Variants in SH3TC1 observed in about 807,000 individuals in gnomAD.
The protein encoded by SH3TC1 is SH3 domain and tetratricopeptide repeat-containing protein 1.
A neutral mutation model predicts 117.3 loss-of-function variants in SH3TC1; 135 were observed. That is an observed-to-expected ratio of 1.15 (90% CI 1.00 to 1.33). The LOEUF is 1.33. Ranked by LOEUF, SH3TC1 falls within the 40% of genes most tolerant of loss-of-function variation. SH3TC1 has a pLI of 0.00. For missense variants in SH3TC1, 2,092 were observed against 1,794.3 expected (o/e 1.17, Z -3.00); for synonymous variants, 898 against 816.9 (o/e 1.10, Z -1.69).
intron 9 of SH3TC1, among the ~76,000 whole-genome samples, chr4:8,220,770 G>A (rs951430235): frequency 4.6e-5 from 7 of 152,150 alleles, no homozygotes; most frequent in African/African-American, 1.2e-4. Flanking sequence ...CTCAGAGGCC[G>A]TTTGTCACCA....
At chr4:8,185,811 G>A (rs1223100524) in intron 1 of SH3TC1, among the ~76,000 whole-genome samples, 1 of 152,216 alleles carries the variant, frequency 6.6e-6, no homozygotes, top group Non-Finnish European at 1.5e-5. Context: ...CATCTGCAGG[G>A]TGAACTCCCA....
intron 5 of SH3TC1, among the ~76,000 whole-genome samples, chr4:8,215,796 C>G (rs1179394859): frequency 6.6e-6 from 1 of 152,232 alleles, no homozygotes; most frequent in Non-Finnish European, 1.5e-5. Context: ...ATACCCCCTG[C>G]GGCCTGCACG....
chr4:8,212,130 G>A (rs1051226169), intron 3 of SH3TC1, among the ~76,000 whole-genome samples: 2 of 152,084 alleles, frequency 1.3e-5, no homozygotes, highest in African/African-American at 2.4e-5. Context: ...GGGGCCCTCT[G>A]CCCTCTGAGA....
Position 8,228,107 on chromosome 4 carries a change from G to C in SH3TC1, c.2413G>C (p.Ala805Pro). The change falls in exon 12 of 18, where the codon GCC (alanine) becomes CCC (proline). Residue 805 changes from alanine to proline, a missense_variant. Transcript: ENST00000245105. Reference protein sequence around the residue: ...LYSHHGCHGPAITFMTQAVEA... With the variant: ...LYSHHGCHGPPITFMTQAVEA... Reference sequence around the variant, plus strand: ...CAGCCACCATGGCTGCCACGGCCCGGCCATCACCTTCATGACGCAGGCAGT... The same window carrying C: ...CAGCCACCATGGCTGCCACGGCCCGCCCATCACCTTCATGACGCAGGCAGT... 1 of 1,611,336 alleles carries C rather than the reference G, an allele frequency of 6.2e-7. No individual in the cohort carries two copies. Among genetic ancestry groups the C allele is most frequent in the Non-Finnish European group, 8.5e-7 (1 of 1,178,942 alleles).
upstream of SH3TC1, among the ~76,000 whole-genome samples, chr4:8,195,475 G>T (rs1277058162): frequency 2.0e-5 from 3 of 152,198 alleles, no homozygotes; most frequent in Non-Finnish European, 4.4e-5. Context: ...GAGGCTGCTG[G>T]GTGTGCTGTG....
rs1436433441 is a variant in SH3TC1, at chr4:8,230,014, CG to C, written c.2950+1375del. Among the ~76,000 whole-genome samples, 7 of 143,362 alleles carry C rather than the reference CG, an allele frequency of 4.9e-5. 1 individual carries two copies. The highest frequency in any genetic ancestry group is 1.1e-4 in the Non-Finnish European group (7 of 62,368). 94.1% of individuals were successfully genotyped at this position (143,362 alleles called of 152,430 possible). A position where few individuals can be genotyped will look rare whatever the true frequency, so the allele number is the denominator to read the frequency against. On this transcript the variant is annotated intron_variant, in intron 12 of 17. Transcript: ENST00000245105. ...CCCCGCGTTGAACAGTCGAGGAGACCGGGGGCCAGGGGACGAGGATCATGCT... is the reference window on the plus strand; with the variant it reads ...CCCCGCGTTGAACAGTCGAGGAGACCGGGGCCAGGGGACGAGGATCATGCT...
rs1718259219 is a variant in SH3TC1 at position 8,206,931 on chromosome 4, G to A, written c.172+1565G>A. ...ATGATGCCCCTTCATCCTAAAAGGT[G>A]TCCATATTTCCTAAAACCAGTACAT... On this transcript the variant is annotated intron_variant, in intron 2 of 17. Transcript: ENST00000245105. This position sits in a 1 kb window ranked among gnomAD's most constrained non-coding sequence, Gnocchi z 5.5. Among the ~76,000 whole-genome samples the A allele has an allele frequency of 1.3e-5, 2 of 151,838 alleles. No individual in the cohort carries two copies. Among genetic ancestry groups the A allele is most frequent in the Non-Finnish European group, 2.9e-5 (2 of 68,002 alleles).
intron 3 of SH3TC1, among the ~76,000 whole-genome samples, chr4:8,211,910 C>T (rs1280420259): frequency 4.6e-5 from 7 of 152,086 alleles, no homozygotes; most frequent in South Asian, 4.1e-4. Flanking sequence ...GCCGATGGGT[C>T]GGACCATGCT....
chr4:8,232,556 G>A, intron 13 of SH3TC1: 1 of 1,362,806 alleles, frequency 7.3e-7, no homozygotes, highest in Non-Finnish European at 9.7e-7. Context: ...GCCACCTGTG[G>A]CTTCTCTCCC....
Position 8,206,442 on chromosome 4 carries a change from G to A in SH3TC1, c.172+1076G>A, listed in dbSNP as rs1025929368. Among the ~76,000 whole-genome samples the A allele has an allele frequency of 1.8e-4, 27 of 152,112 alleles. No individual in the cohort carries two copies. Among genetic ancestry groups the A allele is most frequent in the Admixed American group, 1.2e-3 (19 of 15,286 alleles). ...TGCACAAGGAGACTGAGACGCGCAGGAGGGCCCTGGCCAGCCTCCCACAGA... is the reference window on the plus strand; with the variant it reads ...TGCACAAGGAGACTGAGACGCGCAGAAGGGCCCTGGCCAGCCTCCCACAGA... On this transcript the variant is annotated intron_variant, in intron 2 of 17. Coordinates refer to ENST00000245105, the MANE Select transcript of SH3TC1 (RefSeq NM_018986.5). This position sits in a 1 kb window ranked among gnomAD's most constrained non-coding sequence, Gnocchi z 5.5.
At chr4:8,237,332 G>A (rs1721908242) in intron 16 of SH3TC1, 142 bp from the exon 17 acceptor site, 1 of 652,136 alleles carries the variant, frequency 1.5e-6, no homozygotes, top group Admixed American at 3.6e-5. Context: ...AGATGGGAAA[G>A]TGAGTCTGGG....
intron 1 of SH3TC1, among the ~76,000 whole-genome samples, chr4:8,191,033 G>A (rs1407468993): frequency 6.6e-6 from 1 of 152,338 alleles, no homozygotes; most frequent in African/African-American, 2.4e-5. Flanking sequence ...CAGGGCTGCT[G>A]TGGGGGCTCC....
chr4:8,221,620 A>C (rs920343317), intron 9 of SH3TC1, among the ~76,000 whole-genome samples: 12 of 152,302 alleles, frequency 7.9e-5, no homozygotes, highest in Non-Finnish European at 1.3e-4. Context: ...ACACTTTGAG[A>C]GTAAGTTGCA....
At chr4:8,213,974 C>T (rs1004888842) in intron 4 of SH3TC1, among the ~76,000 whole-genome samples, 3 of 152,068 alleles carry the variant, frequency 2.0e-5, no homozygotes, top group Non-Finnish European at 4.4e-5. Context: ...ACACACTTCC[C>T]GAGTCGGAAG....
At chr4:8,195,729 A>G (rs1292078952), upstream of SH3TC1, among the ~76,000 whole-genome samples, 1 of 152,176 alleles carries the variant, frequency 6.6e-6, no homozygotes, top group Non-Finnish European at 1.5e-5. Flanking sequence ...CAGGAGATGA[A>G]ATGTGTTCTG....
intron 16 of SH3TC1, 53 bp from the exon 17 acceptor site, chr4:8,237,421 G>GCCTGCTCCTGAGGGGCCTGTGCCCTC: frequency 7.0e-7 from 1 of 1,436,772 alleles, no homozygotes; most frequent in African/African-American, 1.4e-5. Flanking sequence ...GGGTCTGCAT[G>GCCTGCTCCTGAGGGGCCTGTGCCCTC]CCTGCCCCGG....
rs1402827712 is a variant in SH3TC1 at position 8,227,323 on chromosome 4, G to A, written c.1629G>A (p.Leu543=). 1.9e-6 allele frequency: 3 copies of A among 1,609,668 alleles called. No homozygotes were observed. The African/African-American group carries it at 4.0e-5, about 21-fold the overall frequency. The stretch of plus-strand genomic sequence containing the variant: ...ACGAGGAGGAGCTGACTGGGCGCCT[G>A]GCACAGGCCCGGGGGGCGGCCAAGA... ...FSDEEELTGR[L]AQARGAAKKA... The change falls in exon 12 of 18, where the codon CTG becomes CTA. Residue 543 remains leucine, a synonymous_variant. Transcript: ENST00000245105.
intron 1 of SH3TC1, among the ~76,000 whole-genome samples, chr4:8,203,783 C>T (rs990731059): frequency 2.0e-5 from 3 of 152,060 alleles, no homozygotes; most frequent in South Asian, 2.1e-4. Context: ...CCCAGGTGCT[C>T]GATGTCCAGG....
chr4:8,215,101 G>T, intron 5 of SH3TC1: 1 of 451,330 alleles, frequency 2.2e-6, no homozygotes, highest in Non-Finnish European at 4.5e-6. Flanking sequence ...GTGGGTCTTT[G>T]TTGCAGGAAT....
Sources: gnomAD v4.1 joint callset for allele counts (sites outside exome capture counted in the v4.1 genomes callset) on GRCh38, gnomAD v4.1.1 for gene constraint, Gnocchi (gnomAD v3.1) non-coding constraint, MANE v1.5 for transcripts, NCBI Gene and HGNC (gene_info 2026-07-23, HGNC 2026-07-21) for gene names.